GABRB1: variants seen among roughly 807,000 people sequenced by gnomAD.
The protein encoded by GABRB1 is gamma-aminobutyric acid type A receptor subunit beta1.
A neutral mutation model predicts 51.6 loss-of-function variants in GABRB1; 17 were observed. The ratio of observed to expected loss-of-function variants is 0.33; its 90% CI spans 0.23 to 0.49. The LOEUF (loss-of-function observed/expected upper bound fraction) is 0.49. Among genes scored for constraint, GABRB1 ranks in the 20% least tolerant of loss-of-function variants. The pLI, the probability that GABRB1 is intolerant of heterozygous loss-of-function variation, is 0.99. For missense variants in GABRB1, 410 were observed against 600.6 expected (o/e 0.68, Z 3.32); for synonymous variants, 247 against 218.9 (o/e 1.13, Z -1.14).
At chr4:47,108,953 C>G (rs1258966734) in intron 3 of GABRB1, among the ~76,000 whole-genome samples, 1 of 151,962 alleles carries the variant, frequency 6.6e-6, no homozygotes, top group Non-Finnish European at 1.5e-5. Flanking sequence ...AGTTTGCTTC[C>G]CGAGGTGAAG....
chr4:47,273,866 C>T (rs1578054055), intron 4 of GABRB1, among the ~76,000 whole-genome samples: 1 of 64,566 alleles, frequency 1.5e-5, no homozygotes, highest in African/African-American at 8.0e-5. Flanking sequence ...TATATACATA[C>T]ACACACACAC....
At chr4:47,137,360 A>G (rs186241116) in intron 3 of GABRB1, among the ~76,000 whole-genome samples, 2 of 152,192 alleles carry the variant, frequency 1.3e-5, no homozygotes, top group East Asian at 3.9e-4. Flanking sequence ...GTGTGAGTTA[A>G]CCAGACCACT....
intron 3 of GABRB1, among the ~76,000 whole-genome samples, chr4:47,062,095 C>T (rs761076697): frequency 6.6e-6 from 1 of 152,082 alleles, no homozygotes; most frequent in Non-Finnish European, 1.5e-5. Flanking sequence ...GAAGTCCTGG[C>T]GAGCCCACTT....
At chr4:47,175,771 T>C (rs1320490246) in intron 4 of GABRB1, among the ~76,000 whole-genome samples, 1 of 152,174 alleles carries the variant, frequency 6.6e-6, no homozygotes, top group Non-Finnish European at 1.5e-5. Flanking sequence ...ATGAATGTTG[T>C]CTCTTCACAA....
rs367959312 is a variant in GABRB1 at position 47,080,368 on chromosome 4, G to T, written c.240+47884G>T. Among the ~76,000 whole-genome samples, 34 of 151,974 alleles carry T rather than the reference G, an allele frequency of 2.2e-4. No individual in the cohort carries two copies. The South Asian group carries it at 2.3e-3, about 10-fold the overall frequency. On this transcript the variant is annotated intron_variant, in intron 3 of 8. Coordinates refer to ENST00000295454, the MANE Select transcript of GABRB1 (RefSeq NM_000812.4). ...TAGCTTTGCAAACATGGCACGTGGT[G>T]TACATTTCCTTTTCCTTGTGCATGA...
At chr4:47,038,487 C>T (rs1725693516) in intron 3 of GABRB1, among the ~76,000 whole-genome samples, 1 of 152,110 alleles carries the variant, frequency 6.6e-6, no homozygotes, top group Admixed American at 6.5e-5. Context: ...ACTGCTCCAC[C>T]ACAACTGAAG....
Position 47,073,925 on chromosome 4 carries a change from T to C in GABRB1, c.240+41441T>C, listed in dbSNP as rs189700588. Among the ~76,000 whole-genome samples the C allele has an allele frequency of 3.3e-5, 5 of 152,276 alleles. No individual in the cohort carries two copies. The East Asian group carries it at 9.6e-4, about 29-fold the overall frequency. On this transcript the variant is annotated intron_variant, in intron 3 of 8. Coordinates refer to ENST00000295454, the MANE Select transcript of GABRB1 (RefSeq NM_000812.4). ...TCACAGAATGTCATGCGATAAGAGC[T>C]TGTTCTGGATTAATAGAAAAGACAC... is the stretch of plus-strand genomic sequence containing the variant.
chr4:46,993,852 T>C (rs906510086), exon 1 of GABRB1: 1 of 193,172 alleles, frequency 5.2e-6, no homozygotes, highest in South Asian at 8.6e-5. Context: ...CACAGCAGTG[T>C]TCGTCCTCCT....
At chr4:47,300,750 C>T (rs946330762) in intron 4 of GABRB1, among the ~76,000 whole-genome samples, 1 of 152,040 alleles carries the variant, frequency 6.6e-6, no homozygotes, top group Non-Finnish European at 1.5e-5. Context: ...ACTTTTGCCA[C>T]AGGTTAATAG....
intron 3 of GABRB1, among the ~76,000 whole-genome samples, chr4:47,154,039 G>A (rs368120705): frequency 3.4e-4 from 51 of 152,166 alleles, no homozygotes; most frequent in South Asian, 3.3e-3. Flanking sequence ...ATGATGTAAA[G>A]ATAAAAGATT....
chr4:47,354,668 C>A (rs1170564499), intron 5 of GABRB1, among the ~76,000 whole-genome samples: 1 of 152,012 alleles, frequency 6.6e-6, no homozygotes, highest in African/African-American at 2.4e-5. Flanking sequence ...TGGATCCTTC[C>A]CCCGTAGCTT....
chr4:47,284,414 G>T (rs1028235235), intron 4 of GABRB1, among the ~76,000 whole-genome samples: 1 of 152,184 alleles, frequency 6.6e-6, no homozygotes, highest in Non-Finnish European at 1.5e-5. Context: ...CTTCAATTTA[G>T]TGATGTTTTC....
chr4:47,398,676 C>T (rs1357091973), intron 5 of GABRB1, among the ~76,000 whole-genome samples: 4 of 152,236 alleles, frequency 2.6e-5, no homozygotes, highest in Non-Finnish European at 4.4e-5. Flanking sequence ...TCTCCGCCTC[C>T]CAGGTTCACG....
intron 4 of GABRB1, among the ~76,000 whole-genome samples, chr4:47,195,441 TA>T (rs1242909798): frequency 1.3e-4 from 14 of 110,992 alleles, no homozygotes; most frequent in African/African-American, 4.9e-4. Flanking sequence ...GATAGATAGA[TA>T]GATGATAGAT....
intron 4 of GABRB1, among the ~76,000 whole-genome samples, chr4:47,304,412 T>C (rs1425208523): frequency 6.6e-6 from 1 of 152,104 alleles, no homozygotes; most frequent in African/African-American, 2.4e-5. Flanking sequence ...CATATACATG[T>C]TGGTTATTTG....
chr4:47,251,136 G>A (rs1721971913), intron 4 of GABRB1, among the ~76,000 whole-genome samples: 7 of 152,110 alleles, frequency 4.6e-5, no homozygotes, highest in Admixed American at 4.6e-4. Flanking sequence ...GTCCCATAGG[G>A]TGTTCCCTTG....
At chr4:47,067,695 G>A (rs146979080) in intron 3 of GABRB1, among the ~76,000 whole-genome samples, 18 of 151,866 alleles carry the variant, frequency 1.2e-4, no homozygotes, top group Admixed American at 4.6e-4. Context: ...AGTGGAACAC[G>A]AGTACGTTTT....
intron 3 of GABRB1, among the ~76,000 whole-genome samples, chr4:47,078,972 A>G (rs531064572): frequency 1.4e-3 from 210 of 152,290 alleles, no homozygotes; most frequent in Non-Finnish European, 2.7e-3. Flanking sequence ...CCACTTGATC[A>G]TGGTGGATAA....
intron 5 of GABRB1, among the ~76,000 whole-genome samples, chr4:47,337,134 G>A (rs1404415164): frequency 6.6e-6 from 1 of 152,066 alleles, no homozygotes; most frequent in Non-Finnish European, 1.5e-5. Context: ...GAATAGTCTG[G>A]AAGGGACAAT....
Sources: allele counts gnomAD v4.1 joint callset (sites outside exome capture counted in the v4.1 genomes callset), GRCh38; gene constraint gnomAD v4.1.1; transcripts MANE v1.5; gene names NCBI Gene and HGNC (gene_info 2026-07-23, HGNC 2026-07-21).